Variants in EFL1 observed in about 807,000 individuals in gnomAD.
EFL1 encodes elongation factor-like GTPase 1.
EFL1 carries 76 observed loss-of-function variants against 126.7 expected under a neutral mutation model. The observed-to-expected ratio is 0.60, with a 90% CI of 0.50 to 0.73. The LOEUF is 0.73. Among genes scored for constraint, EFL1 ranks in the 30% least tolerant of loss-of-function variants. EFL1 has a pLI of 0.00. For missense variants in EFL1, 1,128 were observed against 1,343.2 expected, an observed-to-expected ratio of 0.84 and a Z score of 2.50; for synonymous variants, 410 against 448.4, an observed-to-expected ratio of 0.91 and a Z score of 1.08.
intron 15 of EFL1, among the ~76,000 whole-genome samples, chr15:82,204,465 G>A (rs1387557523): frequency 6.6e-5 from 10 of 151,852 alleles, no homozygotes; most frequent in Non-Finnish European, 8.8e-5. Context: ...ATTTATGGGC[G>A]TAAGAGAGTA....
intron 7 of EFL1, among the ~76,000 whole-genome samples, chr15:82,236,666 A>G (rs2074875735): frequency 1.3e-5 from 2 of 152,234 alleles, no homozygotes; most frequent in Admixed American, 1.3e-4. Context: ...CACACTTTAT[A>G]CAAAAATTAA....
At position 82,223,324 on chromosome 15, in the gene EFL1, G is replaced by C. The variant is rs139093433; in HGVS notation, c.1292+1841C>G. Among the ~76,000 whole-genome samples the C allele has an allele frequency of 8.0e-3, 1,216 of 151,846 alleles. 3 individuals are homozygous for C. Among genetic ancestry groups the C allele is most frequent in the Non-Finnish European group, 0.012 (827 of 67,956 alleles). On this transcript the variant is annotated intron_variant, in intron 12 of 19. Coordinates refer to ENST00000268206, the MANE Select transcript of EFL1 (RefSeq NM_024580.6). ...AAAGTAATGGTGATGACCTTGCCCA[G>C]GTATACCTGAAAACACTATATTATT... is the stretch of plus-strand genomic sequence containing the variant.
chr15:82,143,637 A>G (rs1445653770), intron 18 of EFL1, among the ~76,000 whole-genome samples: 1 of 152,194 alleles, frequency 6.6e-6, no homozygotes, highest in African/African-American at 2.4e-5. Context: ...CACAGTGGGG[A>G]ACGTAGGCTG....
intron 15 of EFL1, among the ~76,000 whole-genome samples, chr15:82,213,374 C>G (rs536195690): frequency 1.3e-5 from 2 of 152,166 alleles, no homozygotes. Flanking sequence ...TTTGTCTCCC[C>G]GTACCATATG....
chr15:82,172,308 T>C (rs1312868529), intron 15 of EFL1, among the ~76,000 whole-genome samples: 2 of 152,188 alleles, frequency 1.3e-5, no homozygotes, highest in South Asian at 4.1e-4. Context: ...AACTCACCAA[T>C]GTGATTTCTA....
chr15:82,144,131 A>G (rs964852779), intron 18 of EFL1, among the ~76,000 whole-genome samples: 1 of 152,110 alleles, frequency 6.6e-6, no homozygotes, highest in African/African-American at 2.4e-5. Flanking sequence ...GAATGGTGGC[A>G]TGCCTGTGCT....
At chr15:82,162,285 C>T (rs934424377) in intron 16 of EFL1, among the ~76,000 whole-genome samples, 7 of 151,938 alleles carry the variant, frequency 4.6e-5, no homozygotes, top group African/African-American at 1.7e-4. Flanking sequence ...TGTCTCAAAC[C>T]AAATAAATAA....
chr15:82,175,209 C>G (rs1007572452), intron 15 of EFL1, among the ~76,000 whole-genome samples: 2 of 152,158 alleles, frequency 1.3e-5, no homozygotes, highest in Non-Finnish European at 2.9e-5. Flanking sequence ...ATTTTTGAGA[C>G]TATTGCCCTA....
intron 11 of EFL1, among the ~76,000 whole-genome samples, chr15:82,226,814 C>T (rs1407902061): frequency 6.6e-6 from 1 of 152,124 alleles, no homozygotes; most frequent in African/African-American, 2.4e-5. Flanking sequence ...TTGCTTGAGG[C>T]ACCCCAAAGT....
Position 82,141,178 on chromosome 15 carries a change from T to A in EFL1, c.2990-2336A>T, listed in dbSNP as rs939811645. On this transcript the variant is annotated intron_variant, in intron 18 of 19. Coordinates refer to ENST00000268206, the MANE Select transcript of EFL1 (RefSeq NM_024580.6). ...TATGATTTATTTACATCCCTCTTGG[T>A]ATTTGGTACCCGGAAATGAAAAACA... is the stretch of plus-strand genomic sequence containing the variant. 1.1e-4 allele frequency among the ~76,000 whole-genome samples: 16 copies of A among 152,310 alleles called. No homozygotes were observed. In the East Asian group the frequency reaches 3.1e-3, roughly 29 times the overall value.
At chr15:82,153,023 C>A (rs981521864) in intron 17 of EFL1, among the ~76,000 whole-genome samples, 2 of 152,176 alleles carry the variant, frequency 1.3e-5, no homozygotes, top group Admixed American at 6.5e-5. Flanking sequence ...GTGGCTAGTA[C>A]AGCTGAATAA....
intron 3 of EFL1, among the ~76,000 whole-genome samples, chr15:82,254,185 C>T (rs1177985948): frequency 1.3e-5 from 2 of 152,190 alleles, no homozygotes; most frequent in Non-Finnish European, 2.9e-5. Flanking sequence ...GATTCCAGTG[C>T]AGCATGACAG....
chr15:82,258,481 G>A (rs1403454337), intron 3 of EFL1, among the ~76,000 whole-genome samples: 1 of 152,118 alleles, frequency 6.6e-6, no homozygotes, highest in East Asian at 1.9e-4. Context: ...AGCCCAACAG[G>A]GCGAGGTTGC....
chr15:82,239,599 A>T (rs1022629875), intron 6 of EFL1, among the ~76,000 whole-genome samples: 1 of 152,234 alleles, frequency 6.6e-6, no homozygotes, highest in Non-Finnish European at 1.5e-5. Context: ...CGCACGGCAT[A>T]TCAGGTTCAC....
intron 7 of EFL1, among the ~76,000 whole-genome samples, chr15:82,233,090 T>C (rs78695705): frequency 1.3e-5 from 2 of 152,296 alleles, no homozygotes; most frequent in East Asian, 3.9e-4. Context: ...CCCATTTGCT[T>C]AGGCTAGGCT....
At chr15:82,182,068 G>A (rs1438941355) in intron 15 of EFL1, among the ~76,000 whole-genome samples, 1 of 152,064 alleles carries the variant, frequency 6.6e-6, no homozygotes, top group Non-Finnish European at 1.5e-5. Context: ...GGCCAGCCTG[G>A]TCAACATAGC....
intron 15 of EFL1, among the ~76,000 whole-genome samples, chr15:82,164,693 C>T (rs929424938): frequency 3.3e-5 from 5 of 151,298 alleles, no homozygotes; most frequent in South Asian, 2.1e-4. Context: ...GTCAGGAGAT[C>T]GAGACTATCC....
At chr15:82,213,726 G>A (rs531455971) in intron 15 of EFL1, among the ~76,000 whole-genome samples, 23 of 152,176 alleles carry the variant, frequency 1.5e-4, no homozygotes, top group Non-Finnish European at 3.2e-4. Flanking sequence ...TTCTTCCAAT[G>A]TCCTTTCTGA....
chr15:82,233,068 G>C (rs531581168), intron 7 of EFL1, among the ~76,000 whole-genome samples: 20 of 152,016 alleles, frequency 1.3e-4, no homozygotes, highest in Non-Finnish European at 2.4e-4. Context: ...ATAAATTATA[G>C]TAAGACATTT....
Sources: allele counts gnomAD v4.1 joint callset (sites outside exome capture counted in the v4.1 genomes callset), GRCh38; gene constraint gnomAD v4.1.1; transcripts MANE v1.5; gene names NCBI Gene and HGNC (gene_info 2026-07-23, HGNC 2026-07-21).